Variants in RSPO4 observed in about 807,000 individuals in gnomAD.
RSPO4 encodes the protein R-spondin-4.
In RSPO4, 23 loss-of-function variants were observed where a neutral mutation model predicts 24.8. The observed-to-expected ratio is 0.93, with a 90% CI of 0.67 to 1.31. The LOEUF (loss-of-function observed/expected upper bound fraction) is 1.31, where lower values mean the gene tolerates loss of function less well. RSPO4 is among the 40% of genes most tolerant of loss of function. RSPO4 has a pLI of 0.00. For missense variants in RSPO4, 333 were observed against 316.5 expected (o/e 1.05, Z -0.39); for synonymous variants, 141 against 127.4 (o/e 1.11, Z -0.72).
Position 981,302 on chromosome 20 carries a change from A to G in RSPO4, c.80-13164T>C, listed in dbSNP as rs1748142697. Among the ~76,000 whole-genome samples the G allele has an allele frequency of 6.6e-6, 1 of 152,196 alleles. No individual in the cohort carries two copies. Among genetic ancestry groups the G allele is most frequent in the South Asian group, 2.1e-4 (1 of 4,826 alleles). ...CACTTAGGGAGGCTGAGGCAGGTAG[A>G]TCATAGGAGGCCCGGAGTTCGAGAC... On this transcript the variant is annotated intron_variant, in intron 1 of 4. Coordinates refer to ENST00000217260, the MANE Select transcript of RSPO4 (RefSeq NM_001029871.4). The surrounding 1 kb of genome is among the most constrained non-coding windows in gnomAD (Gnocchi z 4.6).
At chr20:995,344 G>A (rs1985241246) in intron 1 of RSPO4, among the ~76,000 whole-genome samples, 1 of 152,130 alleles carries the variant, frequency 6.6e-6, no homozygotes, top group African/African-American at 2.4e-5. Context: ...ACATGTATTT[G>A]CGACGTTACT....
At chr20:961,789 C>T (rs484318) in intron 4 of RSPO4, among the ~76,000 whole-genome samples, 9,010 of 151,998 alleles carry the variant, frequency 0.059, 304 homozygotes, top group African/African-American at 0.092. Flanking sequence ...ACCCATCCCT[C>T]CACCTATTTA....
intron 1 of RSPO4, among the ~76,000 whole-genome samples, chr20:989,269 G>A (rs1985018197): frequency 6.6e-6 from 1 of 152,138 alleles, no homozygotes; most frequent in African/African-American, 2.4e-5. Context: ...GGGAACCCAG[G>A]TTTGAGTCCC....
At chr20:967,820 G>C in intron 2 of RSPO4, 130 bp downstream of exon 2, 1 of 950,752 alleles carries the variant, frequency 1.1e-6, no homozygotes, top group Non-Finnish European at 1.7e-6. Flanking sequence ...GACACAGGCA[G>C]GTATCTCAGA....
intron 1 of RSPO4, among the ~76,000 whole-genome samples, chr20:989,342 C>A (rs1985020078): frequency 6.6e-6 from 1 of 152,088 alleles, no homozygotes; most frequent in African/African-American, 2.4e-5. Context: ...ACCTCTTCTG[C>A]AAAATAGGAA....
intron 1 of RSPO4, among the ~76,000 whole-genome samples, chr20:975,157 C>T (rs1050301182): frequency 6.6e-5 from 10 of 152,256 alleles, no homozygotes; most frequent in East Asian, 5.8e-4. Flanking sequence ...GGTGGAGCAG[C>T]GCTGCTTTGG....
At chr20:975,693 C>G (rs6077476) in intron 1 of RSPO4, among the ~76,000 whole-genome samples, 16,663 of 152,232 alleles carry the variant, frequency 0.11, 1,035 homozygotes, top group Middle Eastern at 0.2. Context: ...TCCATTCATT[C>G]ATTCATCGAC....
chr20:968,344 G>A (rs1984298444), intron 1 of RSPO4, among the ~76,000 whole-genome samples: 1 of 152,262 alleles, frequency 6.6e-6, no homozygotes, highest in African/African-American at 2.4e-5. Flanking sequence ...AAAGCAGCAT[G>A]TGACACTTCA....
intron 3 of RSPO4, 131 bp from the exon 4 acceptor site, chr20:964,251 G>A: frequency 1.5e-6 from 1 of 672,214 alleles, no homozygotes; most frequent in South Asian, 1.9e-5. Flanking sequence ...CCACCTGCTA[G>A]GAGCAGAGTT....
chr20:974,728 G>A (rs375593430), intron 1 of RSPO4, among the ~76,000 whole-genome samples: 4 of 152,160 alleles, frequency 2.6e-5, no homozygotes, highest in African/African-American at 9.7e-5. Flanking sequence ...CAGAGCTGGT[G>A]GGTGCCACAT....
intron 1 of RSPO4, among the ~76,000 whole-genome samples, chr20:976,629 C>T (rs1984573390): frequency 6.6e-6 from 1 of 151,988 alleles, no homozygotes; most frequent in Non-Finnish European, 1.5e-5. Context: ...CATATCATGC[C>T]TTCCATCTGC....
intron 1 of RSPO4, among the ~76,000 whole-genome samples, chr20:968,478 C>G (rs961600266): frequency 1.3e-5 from 2 of 152,222 alleles, no homozygotes; most frequent in African/African-American, 4.8e-5. Context: ...GAAACTATGT[C>G]CCGTGAGGCG....
At chr20:999,760 T>G (rs530474965) in intron 1 of RSPO4, among the ~76,000 whole-genome samples, 19 of 152,172 alleles carry the variant, frequency 1.2e-4, no homozygotes, top group African/African-American at 2.9e-4. Flanking sequence ...GAGCTGTAGA[T>G]GGGGCGGGGG....
chr20:983,260 C>A (rs190880815), intron 1 of RSPO4, among the ~76,000 whole-genome samples: 1 of 151,852 alleles, frequency 6.6e-6, no homozygotes, highest in African/African-American at 2.4e-5. Flanking sequence ...GCACCTGGAG[C>A]TTCCAAGGGG....
intron 3 of RSPO4, among the ~76,000 whole-genome samples, chr20:965,578 C>T (rs770491071): frequency 1.4e-4 from 21 of 152,184 alleles, no homozygotes; most frequent in Admixed American, 1.0e-3. Context: ...GACTGAGAAC[C>T]AAGGCGGGAG....
At position 970,882 on chromosome 20, in the gene RSPO4, C is replaced by T. The variant is rs1011395356; in HGVS notation, c.80-2744G>A. 1.3e-5 allele frequency among the ~76,000 whole-genome samples: 2 copies of T among 152,158 alleles called. No individual in the cohort carries two copies. The highest frequency in any genetic ancestry group is 4.8e-5 in the African/African-American group (2 of 41,428). On this transcript the variant is annotated intron_variant, in intron 1 of 4. Transcript: ENST00000217260. The surrounding 1 kb of genome is among the most constrained non-coding windows in gnomAD (Gnocchi z 4.1). ...GTTAAGACAGGATCTTGCTCTGTCA[C>T]CCAGGCTCCAGTGCAGTGGCATGAT...
intron 1 of RSPO4, among the ~76,000 whole-genome samples, chr20:990,895 G>C (rs1214664122): frequency 6.6e-6 from 1 of 152,216 alleles, no homozygotes; most frequent in Non-Finnish European, 1.5e-5. Flanking sequence ...CACATGCTCC[G>C]CAGATGCGTG....
chr20:980,980 G>A (rs550494233), intron 1 of RSPO4, among the ~76,000 whole-genome samples: 2 of 152,296 alleles, frequency 1.3e-5, no homozygotes, highest in Non-Finnish European at 2.9e-5. Flanking sequence ...AGATTTTGAT[G>A]CTAAAGTTCT....
At chr20:960,593 C>A in intron 4 of RSPO4, 127 bp from the exon 5 acceptor site, 1 of 732,954 alleles carries the variant, frequency 1.4e-6, no homozygotes, top group Non-Finnish European at 2.4e-6. Flanking sequence ...AACATTTGGG[C>A]ACTGACCTTG....
Sources: gnomAD v4.1 joint callset for allele counts (sites outside exome capture counted in the v4.1 genomes callset) on GRCh38, gnomAD v4.1.1 for gene constraint, Gnocchi (gnomAD v3.1) non-coding constraint, MANE v1.5 for transcripts, NCBI Gene and HGNC (gene_info 2026-07-23, HGNC 2026-07-21) for gene names.